CNBD1: variants seen among roughly 807,000 people sequenced by gnomAD.
CNBD1 encodes the protein cyclic nucleotide binding domain containing 1, also known as cyclic nucleotide-binding domain-containing protein 1.
In CNBD1, 71 loss-of-function variants were observed where a neutral mutation model predicts 54.4. That is an observed-to-expected ratio of 1.30 (90% confidence interval 1.08 to 1.59). CNBD1 has a LOEUF of 1.59. CNBD1 is among the 40% of genes most tolerant of loss of function. The pLI, the probability that CNBD1 is intolerant of heterozygous loss-of-function variation, is 0.00. For missense variants in CNBD1, 659 were observed against 518.0 expected, an observed-to-expected ratio of 1.27 and a Z score of -2.64; for synonymous variants, 182 against 170.7, an observed-to-expected ratio of 1.07 and a Z score of -0.51.
intron 3 of CNBD1, among the ~76,000 whole-genome samples, chr8:86,931,171 C>T (rs149708259): frequency 0.023 from 3,557 of 152,246 alleles, 136 homozygotes; most frequent in African/African-American, 0.079. Context: ...CAGGCTGTCC[C>T]GGGATTCCTC....
At chr8:86,987,673 G>A (rs1381141716) in intron 4 of CNBD1, among the ~76,000 whole-genome samples, 1 of 152,082 alleles carries the variant, frequency 6.6e-6, no homozygotes, top group Non-Finnish European at 1.5e-5. Context: ...TGAAGTGTGT[G>A]CCTTCAATTC....
chr8:87,001,054 C>A (rs1381404414), intron 4 of CNBD1, among the ~76,000 whole-genome samples: 1 of 152,094 alleles, frequency 6.6e-6, no homozygotes, highest in Non-Finnish European at 1.5e-5. Flanking sequence ...CCATTGTGAA[C>A]AAACAATTAT....
intron 5 of CNBD1, among the ~76,000 whole-genome samples, chr8:87,226,952 A>C (rs1335417644): frequency 1.2e-4 from 18 of 151,766 alleles, no homozygotes; most frequent in Non-Finnish European, 1.0e-4. Context: ...TATTTAGGAT[A>C]GTTAGCTCTT....
In CNBD1 at chr8:87,327,405, C is replaced by T. The variant is rs988778415; in HGVS notation, c.1043-24280C>T. ...ATGGTGGGCGCCCCTCCCCCACCCT[C>T]GCTGCTGCCTTGCAGTTTGATCTCA... On this transcript the variant is annotated intron_variant, in intron 8 of 10. Transcript: ENST00000518476. Among the ~76,000 whole-genome samples the T allele has an allele frequency of 1.9e-4, 29 of 152,062 alleles. No homozygotes were observed. The East Asian group carries it at 2.1e-3, about 11-fold the overall frequency.
intron 4 of CNBD1, among the ~76,000 whole-genome samples, chr8:86,940,959 G>A (rs921855915): frequency 7.9e-5 from 12 of 152,276 alleles, no homozygotes; most frequent in East Asian, 5.8e-4. Context: ...GCCTAGGTGT[G>A]TAGTAGACTA....
chr8:87,346,434 C>T (rs966378782), intron 8 of CNBD1, among the ~76,000 whole-genome samples: 1 of 151,648 alleles, frequency 6.6e-6, no homozygotes, highest in South Asian at 2.1e-4. Context: ...TATATTTTTT[C>T]TAAAATTTCT....
At chr8:86,890,570 A>G (rs990213530) in intron 2 of CNBD1, among the ~76,000 whole-genome samples, 3 of 152,094 alleles carry the variant, frequency 2.0e-5, no homozygotes, top group Non-Finnish European at 4.4e-5. Flanking sequence ...TCTCTTCCAC[A>G]TATTGATTTC....
chr8:87,292,611 T>C (rs1156354905), intron 8 of CNBD1, among the ~76,000 whole-genome samples: 2 of 152,186 alleles, frequency 1.3e-5, no homozygotes, highest in Non-Finnish European at 2.9e-5. Flanking sequence ...TGATGAATAC[T>C]GTAGATTATA....
chr8:87,145,492 T>C (rs1489723740), intron 4 of CNBD1, among the ~76,000 whole-genome samples: 1 of 152,096 alleles, frequency 6.6e-6, no homozygotes, highest in Non-Finnish European at 1.5e-5. Context: ...ATAAAAATCA[T>C]AGGCAAATAA....
chr8:87,088,691 T>C (rs1320592950), intron 4 of CNBD1, among the ~76,000 whole-genome samples: 1 of 152,124 alleles, frequency 6.6e-6, no homozygotes, highest in Non-Finnish European at 1.5e-5. Context: ...AAGGTTTCAT[T>C]AATTCTACTT....
At chr8:87,220,139 C>T (rs755697097) in intron 5 of CNBD1, among the ~76,000 whole-genome samples, 6 of 151,822 alleles carry the variant, frequency 4.0e-5, no homozygotes, top group East Asian at 1.9e-4. Flanking sequence ...TTTATGCAAT[C>T]GCCAATAATA....
chr8:87,172,903 C>T (rs540671960), intron 4 of CNBD1, among the ~76,000 whole-genome samples: 2 of 152,038 alleles, frequency 1.3e-5, no homozygotes, highest in Admixed American at 1.3e-4. Flanking sequence ...GGATCTAATT[C>T]CTTCCATTTT....
At chr8:87,244,582 C>A (rs1807763173) in intron 6 of CNBD1, among the ~76,000 whole-genome samples, 1 of 151,794 alleles carries the variant, frequency 6.6e-6, no homozygotes, top group Admixed American at 6.6e-5. Context: ...ATTTTTATAC[C>A]CTTTAACCCA....
At chr8:87,238,746 C>A (rs1300177723) in intron 6 of CNBD1, among the ~76,000 whole-genome samples, 1 of 152,052 alleles carries the variant, frequency 6.6e-6, no homozygotes, top group Non-Finnish European at 1.5e-5. Context: ...AAGTCAGATT[C>A]TCAGATTTTT....
chr8:86,909,991 TTA>T (rs377379828), intron 3 of CNBD1, among the ~76,000 whole-genome samples: 1 of 152,188 alleles, frequency 6.6e-6, no homozygotes, highest in African/African-American at 2.4e-5. Context: ...CCTCTAGAGT[TTA>T]TGAGTCAGAT....
chr8:87,190,108 C>A (rs1813566785), intron 4 of CNBD1, among the ~76,000 whole-genome samples: 1 of 152,242 alleles, frequency 6.6e-6, no homozygotes, highest in Admixed American at 6.5e-5. Context: ...TTAAAATGAA[C>A]TTTTCAGGTG....
chr8:87,281,437 A>G (rs929676791), intron 6 of CNBD1, among the ~76,000 whole-genome samples: 11 of 150,710 alleles, frequency 7.3e-5, no homozygotes, highest in African/African-American at 2.4e-4. Flanking sequence ...AAACAACTAC[A>G]TACACATATG....
At chr8:87,372,750 TA>T (rs1370096309) in intron 10 of CNBD1, among the ~76,000 whole-genome samples, 1 of 151,880 alleles carries the variant, frequency 6.6e-6, no homozygotes, top group East Asian at 1.9e-4. Context: ...CTTAATAATT[TA>T]AGTTCAATCA....
chr8:87,258,994 A>G (rs1451625047), intron 6 of CNBD1, among the ~76,000 whole-genome samples: 2 of 152,174 alleles, frequency 1.3e-5, no homozygotes, highest in Admixed American at 1.3e-4. Flanking sequence ...AAACATTTAC[A>G]TTCTCATACC....
Sources: gnomAD v4.1 joint callset for allele counts (sites outside exome capture counted in the v4.1 genomes callset) on GRCh38, gnomAD v4.1.1 for gene constraint, MANE v1.5 for transcripts, NCBI Gene and HGNC (gene_info 2026-07-23, HGNC 2026-07-21) for gene names.